POLA2: variants seen among roughly 807,000 people sequenced by gnomAD.
POLA2 encodes DNA polymerase alpha subunit B.
POLA2 carries 47 observed loss-of-function variants against 82.8 expected under a neutral mutation model. That is an observed-to-expected ratio of 0.57 (90% CI 0.45 to 0.72). POLA2 has a LOEUF of 0.72. Ranked by LOEUF, POLA2 falls within the 30% of genes least tolerant of loss-of-function variation. The pLI is 0.00. For missense variants in POLA2, 634 were observed against 728.1 expected (o/e 0.87, Z 1.49); for synonymous variants, 287 against 286.8 (o/e 1.00, Z -0.01).
chr11:65,297,413 C>T lies in POLA2; in HGVS notation c.*144C>T. ...GGAGGGGCAGCTGCAGTGACCAGGC[C>T]CAGCAGGGAGGACTTGTGCAGCCGG... On this transcript the variant is annotated 3_prime_UTR_variant, in exon 18 of 18. Transcript: ENST00000265465. 1 of 946,002 alleles carries T rather than the reference C, an allele frequency of 1.1e-6. No homozygotes were observed. Among genetic ancestry groups the T allele is most frequent in the Non-Finnish European group, 1.5e-6 (1 of 676,284 alleles). The allele number at this position is 946,002 out of a possible 1,614,324, so 58.6% of individuals were successfully genotyped here. A position where few individuals can be genotyped will look rare whatever the true frequency, so the allele number is the denominator to read the frequency against.
Position 65,297,115 on chromosome 11 carries a change from C to T in POLA2, c.1648-5C>T. ...CAAACCTGTCACCTCTCCTCTCCTC[C>T]CCAGGATGTCCTCGGCTGTGTCTGT... On this transcript the variant is annotated splice_region_variant and splice_polypyrimidine_tract_variant and intron_variant, in intron 17 of 17. Coordinates refer to ENST00000265465, the MANE Select transcript of POLA2 (RefSeq NM_002689.4). The T allele has an allele frequency of 6.2e-7, 1 of 1,613,982 alleles. No homozygotes were observed. The highest frequency in any genetic ancestry group is 8.5e-7 in the Non-Finnish European group (1 of 1,179,956).
chr11:65,288,901 A>T (rs934408498), intron 11 of POLA2, 149 bp from the exon 12 acceptor site: 3 of 705,946 alleles, frequency 4.2e-6, no homozygotes, highest in Non-Finnish European at 7.2e-6. Context: ...CCGCCAGCCC[A>T]TCTGCTAACT....
chr11:65,274,568 T>C (rs1464221677), intron 4 of POLA2, among the ~76,000 whole-genome samples: 2 of 151,360 alleles, frequency 1.3e-5, no homozygotes, highest in Non-Finnish European at 2.9e-5. Context: ...TAGTCCCAGC[T>C]ACTCTAGAGG....
intron 4 of POLA2, among the ~76,000 whole-genome samples, chr11:65,270,761 C>CTAG (rs369226400): frequency 3.0e-4 from 45 of 152,342 alleles, no homozygotes; most frequent in African/African-American, 1.1e-3. Context: ...AGCCTCCTAA[C>CTAG]TAGTCCATTG....
At chr11:65,270,913 A>G (rs1949514745) in intron 4 of POLA2, among the ~76,000 whole-genome samples, 1 of 152,146 alleles carries the variant, frequency 6.6e-6, no homozygotes, top group African/African-American at 2.4e-5. Context: ...AGTTTGAACC[A>G]GCATATGTGA....
rs752833779 is a variant in POLA2 at position 65,276,016 on chromosome 11, T to C, written c.461+18T>C. On this transcript the variant is annotated intron_variant, in intron 5 of 17. Transcript: ENST00000265465. The stretch of plus-strand genomic sequence containing the variant: ...TCTCCAAGGTATGGATCATAATTCA[T>C]TCAAGTGCCATAAAGCTGGCCTCCC... 3.4e-6 allele frequency: 5 copies of C among 1,475,662 alleles called. No homozygotes were observed. Among genetic ancestry groups the C allele is most frequent in the Non-Finnish European group, 3.7e-6 (4 of 1,070,942 alleles). 91.4% of individuals were successfully genotyped at this position (1,475,662 alleles called of 1,614,324 possible).
chr11:65,297,001 T>C, intron 17 of POLA2, 119 bp from the exon 18 acceptor site: 6 of 1,019,414 alleles, frequency 5.9e-6, no homozygotes, highest in Non-Finnish European at 8.7e-6. Flanking sequence ...TTTGGTTGCC[T>C]TCGTTTCCAT....
At chr11:65,271,720 T>G (rs1590893598) in intron 4 of POLA2, among the ~76,000 whole-genome samples, 1 of 150,714 alleles carries the variant, frequency 6.6e-6, no homozygotes, top group South Asian at 2.1e-4. Flanking sequence ...GTGCCTATAA[T>G]CCCAGCCACT....
chr11:65,299,436 G>C (rs1232185786), downstream of POLA2, among the ~76,000 whole-genome samples: 1 of 152,196 alleles, frequency 6.6e-6, no homozygotes, highest in Non-Finnish European at 1.5e-5. Context: ...AGCTGCTGAG[G>C]GAACAGAAGC....
chr11:65,279,591 A>G lies in POLA2; in HGVS notation c.709A>G (p.Ile237Val). ...CAGCGAACTCAAGGAACATTACAAG[A>G]TTGAAGCTTTCACTCCTTTGCTAGC... ...LGSELKEHYK[I>V]EAFTPLLAPA... The change falls in exon 7 of 18, where the codon ATT becomes GTT. Residue 237 changes from isoleucine (I) to valine (V), a missense_variant. Coordinates refer to ENST00000265465, the MANE Select transcript of POLA2 (RefSeq NM_002689.4). 6.2e-7 allele frequency: 1 copy of G among 1,613,854 alleles called. No individual in the cohort carries two copies.
At chr11:65,281,795 TCTGTTCTAGAAA>T in intron 9 of POLA2, 63 bp downstream of exon 9, 1 of 1,327,572 alleles carries the variant, frequency 7.5e-7, no homozygotes, top group South Asian at 1.2e-5. Flanking sequence ...CTGGAAGCTG[TCTGTTCTAGAAA>T]CTGGTCCTTT....
chr11:65,266,578 A>G lies in POLA2; in HGVS notation c.80-4A>G. 2 of 1,613,934 alleles carry G rather than the reference A, an allele frequency of 1.2e-6. No individual in the cohort carries two copies. Among genetic ancestry groups the G allele is most frequent in the Non-Finnish European group, 1.7e-6 (2 of 1,179,914 alleles). On this transcript the variant is annotated splice_region_variant and splice_polypyrimidine_tract_variant and intron_variant, in intron 1 of 17. Transcript: ENST00000265465. ...TTTTACTTGTCCAATTTTCCTTTCTACAGTGGTAGAGCTTTGTGTTCAGTA... is the reference window on the plus strand; with the variant it reads ...TTTTACTTGTCCAATTTTCCTTTCTGCAGTGGTAGAGCTTTGTGTTCAGTA...
chr11:65,283,628 G>A (rs1949664274), intron 10 of POLA2, among the ~76,000 whole-genome samples: 1 of 151,708 alleles, frequency 6.6e-6, no homozygotes, highest in African/African-American at 2.4e-5. Flanking sequence ...CACCACACCC[G>A]GCTAATTTTT....
At position 65,287,857 on chromosome 11, in the gene POLA2, G is replaced by A. The variant is rs1949713776; in HGVS notation, c.1131+17G>A. On this transcript the variant is annotated intron_variant, in intron 11 of 17. Transcript: ENST00000265465. ...TGCATCCTGGTAAGAGGCACCAGTG[G>A]GAAAGCTGAGGAGTCAGCCTTGGAA... The A allele has an allele frequency of 2.5e-6, 4 of 1,610,240 alleles. No individual in the cohort carries two copies. The African/African-American group carries it at 4.0e-5, about 16-fold the overall frequency.
intron 4 of POLA2, among the ~76,000 whole-genome samples, chr11:65,271,597 C>A (rs779793422): frequency 6.6e-5 from 10 of 152,104 alleles, no homozygotes; most frequent in African/African-American, 2.4e-5. Context: ...CAGTGGCTCA[C>A]ACCTGTAATC....
In POLA2 at chr11:65,298,459, G is replaced by C. The variant is rs925085293; in HGVS notation, c.*1190G>C. 1.3e-5 allele frequency: 2 copies of C among 152,294 alleles called. No homozygotes were observed. The highest frequency in any genetic ancestry group is 2.4e-5 in the African/African-American group (1 of 41,464). 9.4% of individuals were successfully genotyped at this position (152,294 alleles called of 1,614,324 possible). A position where few individuals can be genotyped will look rare whatever the true frequency, so the allele number is the denominator to read the frequency against. Reference sequence around the variant, plus strand: ...GTGGAGTGGCTTCCTGCCCTAAGCTGGCAGGCTGTCCTGCCTCACATGCCA... The same window carrying C: ...GTGGAGTGGCTTCCTGCCCTAAGCTCGCAGGCTGTCCTGCCTCACATGCCA... On this transcript the variant is annotated 3_prime_UTR_variant, in exon 18 of 18. Transcript: ENST00000265465.
chr11:65,293,297 G>A (rs1033756182), intron 13 of POLA2, among the ~76,000 whole-genome samples: 2 of 152,074 alleles, frequency 1.3e-5, no homozygotes, highest in African/African-American at 4.8e-5. Context: ...CAGTCAGAGG[G>A]TTTCAGCTGG....
intron 8 of POLA2, 42 bp from the exon 9 acceptor site, chr11:65,281,628 G>T: frequency 7.2e-7 from 1 of 1,382,922 alleles, no homozygotes; most frequent in Non-Finnish European, 1.0e-6. Flanking sequence ...AGACCTCATT[G>T]ATCTCCACTG....
intron 4 of POLA2, among the ~76,000 whole-genome samples, chr11:65,270,943 CCCT>C (rs1388673109): frequency 3.9e-5 from 6 of 152,082 alleles, no homozygotes; most frequent in Non-Finnish European, 8.8e-5. Context: ...GGAGCTGGCC[CCCT>C]CCTCCTTCTG....
Sources: gnomAD v4.1 joint callset for allele counts (sites outside exome capture counted in the v4.1 genomes callset) on GRCh38, gnomAD v4.1.1 for gene constraint, MANE v1.5 for transcripts, NCBI Gene and HGNC (gene_info 2026-07-23, HGNC 2026-07-21) for gene names.